The following TMEM59 variants were observed in gnomAD, a reference collection of about 807,000 sequenced individuals.
TMEM59 encodes the protein transmembrane protein 59, also known as dendritic cell factor 1.
In TMEM59, 44 loss-of-function variants were observed where a neutral mutation model predicts 42.2. That is an observed-to-expected ratio of 1.04 (90% CI 0.82 to 1.34). The LOEUF (loss-of-function observed/expected upper bound fraction) is 1.34. TMEM59 is among the 40% of genes most tolerant of loss of function. The pLI is 0.00. For synonymous variants in TMEM59, 148 were observed against 145.8 expected, an observed-to-expected ratio of 1.02 and a Z score of -0.11; for missense variants, 359 against 382.8, an observed-to-expected ratio of 0.94 and a Z score of 0.52.
At chr1:54,032,678 T>C (rs1656804186) in intron 7 of TMEM59, among the ~76,000 whole-genome samples, 2 of 152,240 alleles carry the variant, frequency 1.3e-5, no homozygotes, top group South Asian at 2.1e-4. Flanking sequence ...TGGAAAATGA[T>C]AGATGCTATT....
chr1:54,045,429 T>C (rs1657296609), intron 3 of TMEM59: 3 of 383,422 alleles, frequency 7.8e-6, no homozygotes, highest in Non-Finnish European at 1.4e-5. Context: ...GGTTTTTTCA[T>C]ATGTAAAATG....
At chr1:54,032,805 G>C (rs1364459364) in intron 7 of TMEM59, among the ~76,000 whole-genome samples, 1 of 152,032 alleles carries the variant, frequency 6.6e-6, no homozygotes, top group East Asian at 1.9e-4. Context: ...GACACTAAAA[G>C]AATGAAAGCA....
Position 54,031,990 on chromosome 1 carries a change from C to A in TMEM59, c.*160G>T, listed in dbSNP as rs12504. Reference sequence around the variant, plus strand: ...TCTTAAATTACTACAAAAACAATACCAATAAAGTTATAGCAAATACAGTCT... The same window carrying A: ...TCTTAAATTACTACAAAAACAATACAAATAAAGTTATAGCAAATACAGTCT... On this transcript the variant is annotated 3_prime_UTR_variant, in exon 8 of 8. Transcript: ENST00000234831. The A allele has an allele frequency of 1.8e-6, 1 of 552,836 alleles. No individual in the cohort carries two copies. Among genetic ancestry groups the A allele is most frequent in the Non-Finnish European group, 2.9e-6 (1 of 349,390 alleles). The allele number at this position is 552,836 out of a possible 1,614,324, so 34.2% of individuals were successfully genotyped here. A position where few individuals can be genotyped will look rare whatever the true frequency, so the allele number is the denominator to read the frequency against.
At chr1:54,043,322 T>C (rs750761730) in intron 4 of TMEM59, 51 bp downstream of exon 4, 8 of 1,397,140 alleles carry the variant, frequency 5.7e-6, no homozygotes, top group Admixed American at 2.6e-5. Flanking sequence ...TTAAGACATA[T>C]ACATTTACTG....
intron 3 of TMEM59, chr1:54,044,919 T>C (rs2100324170): frequency 6.6e-6 from 1 of 152,332 alleles, no homozygotes; most frequent in Non-Finnish European, 1.5e-5. Flanking sequence ...AACATATCTA[T>C]GCATTAGTAA....
chr1:54,044,939 C>T (rs1350404348), intron 3 of TMEM59: 1 of 152,184 alleles, frequency 6.6e-6, no homozygotes, highest in East Asian at 1.9e-4. Context: ...ACCTTGGCTA[C>T]ATTCAAGAGG....
chr1:54,033,691 G>T (rs1240802701), intron 7 of TMEM59: 6 of 151,534 alleles, frequency 4.0e-5, no homozygotes, highest in Non-Finnish European at 7.4e-5. Flanking sequence ...GTTAGAAACT[G>T]AAGTGCTGAT....
rs1205290002 is a variant in TMEM59, at chr1:54,036,614, G to A, written c.812C>T (p.Ser271Phe). 33 of 1,595,750 alleles carry A rather than the reference G, an allele frequency of 2.1e-5. No individual in the cohort carries two copies. The highest frequency in any genetic ancestry group is 2.8e-5 in the Non-Finnish European group (33 of 1,171,754). The change falls in exon 7 of 8, where the codon TCT becomes TTT. Residue 271 changes from serine (S) to phenylalanine (F), a missense_variant. Physicochemically the swap from Ser to Phe is radical, Grantham distance 155. Transcript: ENST00000234831. The part of the protein sequence containing the change: ...VATAVEQYVP[S>F]EKLSIYGDLE... ...AATGGTAAGAATTAAATTTACCTCA[G>A]AGGGAACATACTGCTCCACAGCTGT...
At chr1:54,034,957 G>C (rs1255564367) in intron 7 of TMEM59, 1 of 152,138 alleles carries the variant, frequency 6.6e-6, no homozygotes, top group Non-Finnish European at 1.5e-5. Flanking sequence ...ACCAGGAACT[G>C]TTTGATTTTA....
chr1:54,045,504 T>C (rs1657298595), intron 3 of TMEM59, 188 bp downstream of exon 3: 1 of 521,232 alleles, frequency 1.9e-6, no homozygotes, highest in Non-Finnish European at 3.5e-6. Context: ...AGCATAACTT[T>C]TAATAGTAAA....
intron 6 of TMEM59, among the ~76,000 whole-genome samples, chr1:54,037,234 A>G (rs1431555667): frequency 2.0e-5 from 3 of 152,244 alleles, no homozygotes; most frequent in Non-Finnish European, 4.4e-5. Flanking sequence ...ATTTACTTAT[A>G]CTTCAATTTA....
intron 1 of TMEM59, 134 bp downstream of exon 1, chr1:54,052,866 C>T (rs1569979287): frequency 2.0e-6 from 2 of 1,012,382 alleles, no homozygotes; most frequent in East Asian, 5.2e-5. Flanking sequence ...GGGAGGAAAA[C>T]AGGAGCTACA....
At chr1:54,035,791 T>G (rs1656925398) in intron 7 of TMEM59, among the ~76,000 whole-genome samples, 1 of 152,054 alleles carries the variant, frequency 6.6e-6, no homozygotes, top group African/African-American at 2.4e-5. Flanking sequence ...TTTTATAATT[T>G]TTCATAGAGA....
At chr1:54,043,306 A>T in intron 4 of TMEM59, 67 bp downstream of exon 4, 2 of 1,290,454 alleles carry the variant, frequency 1.5e-6, no homozygotes, top group Non-Finnish European at 2.0e-6. Flanking sequence ...ATGCTGAAAC[A>T]CTCATTTAAG....
At chr1:54,039,955 T>G (rs1657083083) in intron 6 of TMEM59, among the ~76,000 whole-genome samples, 1 of 152,090 alleles carries the variant, frequency 6.6e-6, no homozygotes, top group African/African-American at 2.4e-5. Context: ...TAGGAGGGCA[T>G]ATGGTACCCC....
intron 1 of TMEM59, among the ~76,000 whole-genome samples, chr1:54,050,687 T>G (rs1330035865): frequency 6.6e-6 from 1 of 151,380 alleles, no homozygotes; most frequent in Non-Finnish European, 1.5e-5. Flanking sequence ...GCCTCCTGAG[T>G]AGCTGGGATT....
rs1656682803 is a variant in TMEM59, at chr1:54,028,905, T to TA, written c.*3244dup. The TA allele has an allele frequency of 6.6e-6, 1 of 152,204 alleles. No individual in the cohort carries two copies. Among genetic ancestry groups the TA allele is most frequent in the African/African-American group, 2.4e-5 (1 of 41,432 alleles). The allele number at this position is 152,204 out of a possible 1,614,324, so 9.4% of individuals were successfully genotyped here. A position where few individuals can be genotyped will look rare whatever the true frequency, so the allele number is the denominator to read the frequency against. On this transcript the variant is annotated 3_prime_UTR_variant, in exon 8 of 8. Coordinates refer to ENST00000234831, the MANE Select transcript of TMEM59 (RefSeq NM_004872.5). Reference sequence around the variant, plus strand: ...GTTGAATGGTTAAATTGTGGATCTATAAAGGCAGAACTGAGCAAAATTACT... The same window carrying TA: ...GTTGAATGGTTAAATTGTGGATCTATAAAAGGCAGAACTGAGCAAAATTACT...
Position 54,043,441 on chromosome 1 carries a change from G to A in TMEM59, c.475C>T (p.Gln159Ter). 2 of 1,585,108 alleles carry A rather than the reference G, an allele frequency of 1.3e-6. No homozygotes were observed. Among genetic ancestry groups the A allele is most frequent in the Non-Finnish European group, 1.7e-6 (2 of 1,165,756 alleles). Residue 159 changes from glutamine to a stop codon, truncating the protein, a stop_gained, in exon 4 of 8, where the codon CAG (glutamine) becomes TAG (stop). Coordinates refer to ENST00000234831, the MANE Select transcript of TMEM59 (RefSeq NM_004872.5). LOFTEE classifies it high-confidence loss of function. ...GTCCATGAAGAGGTTATGAAGCTCT[G>A]TGCGGAGTCCATCATGTCACTCCAG... ...SFWSDMMDSA[Q>*]SFITSSWTFY...
In TMEM59 at chr1:54,052,655, C is replaced by G. The variant is rs572239931; in HGVS notation, c.189+345G>C. Among the ~76,000 whole-genome samples, 4 of 152,258 alleles carry G rather than the reference C, an allele frequency of 2.6e-5. No homozygotes were observed. The South Asian group carries it at 8.3e-4, about 32-fold the overall frequency. ...CCTCCCTTTCTACAATCCCCCCTTA[C>G]GCTCCCTTAGGTGAGGACCCCGCAT... On this transcript the variant is annotated intron_variant, in intron 1 of 7. Transcript: ENST00000234831.
Sources: gnomAD v4.1 joint callset for allele counts (sites outside exome capture counted in the v4.1 genomes callset) on GRCh38, gnomAD v4.1.1 for gene constraint, MANE v1.5 for transcripts, NCBI Gene and HGNC (gene_info 2026-07-23, HGNC 2026-07-21) for gene names.